STIP1: variants seen among roughly 807,000 people sequenced by gnomAD.
The protein encoded by STIP1 is stress induced phosphoprotein 1, also known as stress-induced-phosphoprotein 1.
In STIP1, 16 loss-of-function variants were observed where a neutral mutation model predicts 77.4. That is an observed-to-expected ratio of 0.21 (90% CI 0.14 to 0.31). The LOEUF (loss-of-function observed/expected upper bound fraction) is 0.31. STIP1 is among the 10% of genes least tolerant of loss of function. The pLI, the probability that STIP1 is intolerant of heterozygous loss-of-function variation, is 1.00. For synonymous variants in STIP1, 258 were observed against 246.6 expected (o/e 1.05, Z -0.44); for missense variants, 524 against 684.8 (o/e 0.77, Z 2.62).
chr11:64,194,182 G>C lies in STIP1; in HGVS notation c.220-7G>C. 6.2e-7 allele frequency: 1 copy of C among 1,612,326 alleles called. No homozygotes were observed. The highest frequency in any genetic ancestry group is 8.5e-7 in the Non-Finnish European group (1 of 1,179,530). On this transcript the variant is annotated splice_region_variant and splice_polypyrimidine_tract_variant and intron_variant, in intron 2 of 13. Coordinates refer to ENST00000305218, the MANE Select transcript of STIP1 (RefSeq NM_006819.3). Reference sequence around the variant, plus strand: ...CTCTATTTTGTGTCTGTCTTTGGTGGTTTAAGGGCTATTCACGAAAAGCAG... The same window carrying C: ...CTCTATTTTGTGTCTGTCTTTGGTGCTTTAAGGGCTATTCACGAAAAGCAG...
intron 5 of STIP1, among the ~76,000 whole-genome samples, chr11:64,196,133 T>C (rs1012876522): frequency 1.3e-5 from 2 of 152,114 alleles, no homozygotes; most frequent in African/African-American, 4.8e-5. Context: ...CGGTGGCTCA[T>C]GCCTATAATC....
chr11:64,186,007 T>A, upstream of STIP1: 1 of 1,543,326 alleles, frequency 6.5e-7, no homozygotes, highest in East Asian at 2.4e-5. Flanking sequence ...AATCCTGAGG[T>A]GCGGGGGAGG....
intron 5 of STIP1, 49 bp downstream of exon 5, chr11:64,195,862 A>C (rs976192607): frequency 3.1e-6 from 5 of 1,610,546 alleles, no homozygotes; most frequent in Admixed American, 1.7e-5. Flanking sequence ...AACAACTAGA[A>C]ATCTTTATGT....
chr11:64,199,488 C>T (rs1262040033), intron 8 of STIP1, among the ~76,000 whole-genome samples: 2 of 124,644 alleles, frequency 1.6e-5, no homozygotes, highest in African/African-American at 6.1e-5. Context: ...GCCTGGGCGA[C>T]AGAGCGAGAC....
At chr11:64,190,368 G>A (rs1358802913) in intron 1 of STIP1, among the ~76,000 whole-genome samples, 1 of 152,076 alleles carries the variant, frequency 6.6e-6, no homozygotes, top group Non-Finnish European at 1.5e-5. Flanking sequence ...GTAGAGACGG[G>A]GTTTCTCCAT....
At chr11:64,194,670 T>C in intron 4 of STIP1, 50 bp downstream of exon 4, 1 of 1,597,274 alleles carries the variant, frequency 6.3e-7, no homozygotes, top group Non-Finnish European at 8.5e-7. Flanking sequence ...AATGTTATGC[T>C]TTCTTCCTGT....
At chr11:64,188,326 A>G (rs1747835448) in intron 1 of STIP1, among the ~76,000 whole-genome samples, 1 of 150,392 alleles carries the variant, frequency 6.6e-6, no homozygotes, top group Non-Finnish European at 1.5e-5. Context: ...CCTGGGTGAC[A>G]GAGTGAGACT....
At chr11:64,189,713 C>G (rs758411858) in intron 1 of STIP1, among the ~76,000 whole-genome samples, 1 of 152,152 alleles carries the variant, frequency 6.6e-6, no homozygotes, top group Middle Eastern at 3.2e-3. Flanking sequence ...CCCATTTGGT[C>G]TCTTAAAATG....
chr11:64,195,777 G>A lies in STIP1; in HGVS notation c.636G>A (p.Glu212=), dbSNP rs1946143146. Reference sequence around the variant, plus strand: ...CTCCCAAAAAGGAGACCAAGCCAGAGCCAATGGAAGAAGATCTTCCAGAGA... The same window carrying A: ...CTCCCAAAAAGGAGACCAAGCCAGAACCAATGGAAGAAGATCTTCCAGAGA... ...PPPPKKETKP[E]PMEEDLPENK... The change falls in exon 5 of 14, where the codon GAG becomes GAA. Residue 212 remains glutamate (E), a synonymous_variant. Coordinates refer to ENST00000305218, the MANE Select transcript of STIP1 (RefSeq NM_006819.3). The A allele has an allele frequency of 6.2e-7, 1 of 1,614,038 alleles. No individual in the cohort carries two copies. Among genetic ancestry groups the A allele is most frequent in the African/African-American group, 1.3e-5 (1 of 74,920 alleles).
At chr11:64,198,662 T>G (rs1946178033) in intron 8 of STIP1, among the ~76,000 whole-genome samples, 1 of 152,088 alleles carries the variant, frequency 6.6e-6, no homozygotes, top group Non-Finnish European at 1.5e-5. Flanking sequence ...TGATCTTTTT[T>G]TAGGTAGTGG....
chr11:64,193,371 A>G (rs774096464), intron 2 of STIP1, 84 bp downstream of exon 2: 20 of 1,252,138 alleles, frequency 1.6e-5, no homozygotes, highest in Non-Finnish European at 2.3e-5. Flanking sequence ...ACCTGTCCTG[A>G]TACACTGATA....
At chr11:64,198,754 T>G (rs1453003365) in intron 8 of STIP1, among the ~76,000 whole-genome samples, 23 of 37,048 alleles carry the variant, frequency 6.2e-4, no homozygotes, top group Admixed American at 1.1e-3. Flanking sequence ...TTTTTTGTGG[T>G]TTTTTTTTTT....
At chr11:64,190,084 T>C (rs1946075354) in intron 1 of STIP1, among the ~76,000 whole-genome samples, 1 of 151,518 alleles carries the variant, frequency 6.6e-6, no homozygotes, top group Admixed American at 6.6e-5. Flanking sequence ...CACTGCAGCC[T>C]CCGACTCCCA....
At chr11:64,200,111 C>A in intron 9 of STIP1, 58 bp from the exon 10 acceptor site, 1 of 1,611,998 alleles carries the variant, frequency 6.2e-7, no homozygotes, top group African/African-American at 1.3e-5. Context: ...GGTAAATGGC[C>A]GGCTACACAT....
At chr11:64,190,069 C>T (rs773543470) in intron 1 of STIP1, among the ~76,000 whole-genome samples, 5 of 151,510 alleles carry the variant, frequency 3.3e-5, no homozygotes, top group Non-Finnish European at 7.4e-5. Flanking sequence ...GGTGCAATCT[C>T]GGCTCACTGC....
intron 10 of STIP1, 62 bp from the exon 11 acceptor site, chr11:64,202,814 G>A: frequency 1.2e-6 from 2 of 1,601,462 alleles, no homozygotes; most frequent in Non-Finnish European, 1.7e-6. Context: ...ACATGCTTGA[G>A]TTGCCTGTAC....
rs1335885930 is a variant in STIP1 at position 64,193,476 on chromosome 11, TTTGGTACTAAGAAGGAA to T, written c.219+190_219+206del. ...CATTAGTTGTAATACAGGCTTTATT[TTTGGTACTAAGAAGGAA>T]GAGGCCAGGGCTGGGCGCGGTGACG... On this transcript the variant is annotated intron_variant, in intron 2 of 13. Coordinates refer to ENST00000305218, the MANE Select transcript of STIP1 (RefSeq NM_006819.3). The T allele has an allele frequency of 2.1e-5, 13 of 610,806 alleles. No individual in the cohort carries two copies. In the African/African-American group the frequency reaches 2.2e-4, roughly 10 times the overall value. The allele number at this position is 610,806 out of a possible 1,614,324, so 37.8% of individuals were successfully genotyped here.
At chr11:64,200,100 G>C (rs1441545186) in intron 9 of STIP1, 64 bp downstream of exon 9, 2 of 1,612,548 alleles carry the variant, frequency 1.2e-6, no homozygotes, top group African/African-American at 2.7e-5. Flanking sequence ...CCTGGCTGTG[G>C]GGTAAATGGC....
At chr11:64,198,753 G>GTTTTTTTTTTTTTTTTTTTT (rs371481270) in intron 8 of STIP1, among the ~76,000 whole-genome samples, 1 of 111,056 alleles carries the variant, frequency 9.0e-6, no homozygotes, top group Non-Finnish European at 1.8e-5. Context: ...TTTTTTTGTG[G>GTTTTTTTTTTTTTTTTTTTT]TTTTTTTTTT....
Sources: gnomAD v4.1 joint callset for allele counts (sites outside exome capture counted in the v4.1 genomes callset) on GRCh38, gnomAD v4.1.1 for gene constraint, MANE v1.5 for transcripts, NCBI Gene and HGNC (gene_info 2026-07-23, HGNC 2026-07-21) for gene names.